ATP8B3: variants seen among roughly 807,000 people sequenced by gnomAD.
The protein encoded by ATP8B3 is phospholipid-transporting ATPase IK.
ATP8B3 carries 141 observed loss-of-function variants against 140.9 expected under a neutral mutation model. That is an observed-to-expected ratio of 1.00 (90% CI 0.87 to 1.15). The LOEUF (loss-of-function observed/expected upper bound fraction) is 1.15. ATP8B3 is among the 50% of genes most tolerant of loss of function. The pLI is 0.00. For synonymous variants in ATP8B3, 765 were observed against 714.6 expected, an observed-to-expected ratio of 1.07 and a Z score of -1.13; for missense variants, 1,874 against 1,740.6, an observed-to-expected ratio of 1.08 and a Z score of -1.36.
Position 1,783,330 on chromosome 19 carries a change from G to T in ATP8B3, c.3661-60C>A, listed in dbSNP as rs548291339. Reference sequence around the variant, plus strand: ...TCCTATGCTTGGCTGATGGCTCTCAGGTCCCCCAAGTAGGAGAGGCAGGAT... The same window carrying T: ...TCCTATGCTTGGCTGATGGCTCTCATGTCCCCCAAGTAGGAGAGGCAGGAT... On this transcript the variant is annotated intron_variant, in intron 28 of 28. Coordinates refer to ENST00000310127, the MANE Select transcript of ATP8B3 (RefSeq NM_138813.4). 404 of 1,551,152 alleles carry T rather than the reference G, an allele frequency of 2.6e-4. 1 individual carries two copies. The highest frequency in any genetic ancestry group is 3.3e-4 in the Non-Finnish European group (378 of 1,145,220).
At chr19:1,795,424 G>T (rs1600429222) in intron 18 of ATP8B3, among the ~76,000 whole-genome samples, 1 of 152,202 alleles carries the variant, frequency 6.6e-6, no homozygotes, top group East Asian at 1.9e-4. Context: ...ACTGGCGTGT[G>T]CCTGTAATTC....
rs376028226 is a variant in ATP8B3, at chr19:1,785,176, G to A, written c.3515C>T (p.Thr1172Met). The A allele has an allele frequency of 1.1e-5, 18 of 1,589,638 alleles. No individual in the cohort carries two copies. The highest frequency in any genetic ancestry group is 1.7e-4 in the Middle Eastern group (1 of 6,026). The change falls in exon 27 of 29, where the codon ACG becomes ATG. Residue 1172 changes from threonine to methionine, a missense_variant. Thr to Met is a moderately conservative substitution (Grantham distance 81). Transcript: ENST00000310127. ...QSFWLFRVSP[T>M]TFPFLYADLS... ...GGGCTCACACAGAAACGGGAAGGTCGTGGGGGATACTCTGAAGAGCCAGAA... is the reference window on the plus strand; with the variant it reads ...GGGCTCACACAGAAACGGGAAGGTCATGGGGGATACTCTGAAGAGCCAGAA...
At position 1,805,661 on chromosome 19, in the gene ATP8B3, G is replaced by A. The variant is rs2068988362; in HGVS notation, c.822-205C>T. 1.3e-5 allele frequency among the ~76,000 whole-genome samples: 2 copies of A among 150,118 alleles called. No homozygotes were observed. Among genetic ancestry groups the A allele is most frequent in the Non-Finnish European group, 3.0e-5 (2 of 66,824 alleles). ...TGCAAAGTGCTGAGGCCAGGGCCTA[G>A]GGCCTAGGGCCTCCTGCCCGTATGC... On this transcript the variant is annotated intron_variant, in intron 9 of 28. Coordinates refer to ENST00000310127, the MANE Select transcript of ATP8B3 (RefSeq NM_138813.4). The surrounding 1 kb of genome is among the most constrained non-coding windows in gnomAD (Gnocchi z 5.2).
intron 25 of ATP8B3, among the ~76,000 whole-genome samples, chr19:1,786,181 G>A (rs1464098154): frequency 2.0e-5 from 3 of 152,100 alleles, no homozygotes; most frequent in Non-Finnish European, 4.4e-5. Flanking sequence ...TGGTCACTTG[G>A]CCACACGAAC....
chr19:1,811,538 G>A lies in ATP8B3; in HGVS notation c.199C>T (p.His67Tyr). 1.2e-6 allele frequency: 2 copies of A among 1,612,302 alleles called. No individual in the cohort carries two copies. The highest frequency in any genetic ancestry group is 1.3e-5 in the African/African-American group (1 of 75,038). Reference sequence around the variant, plus strand: ...CTAGCCCGGCCAGGCTGGGCCTTGTGCCTCCTCTCAGGTGCCCCTCTGCCT... The same window carrying A: ...CTAGCCCGGCCAGGCTGGGCCTTGTACCTCCTCTCAGGTGCCCCTCTGCCT... ...SPGRGAPERRHKAQPGRARKY... is the reference protein window; with the variant it reads ...SPGRGAPERRYKAQPGRARKY... The change falls in exon 2 of 29, where the codon CAC becomes TAC. Residue 67 changes from histidine to tyrosine, a missense_variant. By Grantham distance (83) the His-to-Tyr change is moderately conservative. This residue lies in a region of ATP8B3 where 1,032 missense variants were observed against 963.6 expected (regional missense o/e 1.07). Coordinates refer to ENST00000310127, the MANE Select transcript of ATP8B3 (RefSeq NM_138813.4).
intron 12 of ATP8B3, among the ~76,000 whole-genome samples, chr19:1,801,324 G>A (rs909922332): frequency 2.0e-5 from 3 of 151,602 alleles, no homozygotes; most frequent in East Asian, 3.9e-4. Context: ...GCTAATTTTC[G>A]ATTTTCTGTA....
chr19:1,792,203 C>A, intron 18 of ATP8B3, 68 bp from the exon 19 acceptor site: 1 of 1,463,374 alleles, frequency 6.8e-7, no homozygotes, highest in Non-Finnish European at 9.0e-7. Flanking sequence ...CCCTCCCCAA[C>A]CCCCTGCCGG....
rs372841402 is a variant in ATP8B3, at chr19:1,785,262, G to A, written c.3429C>T (p.Cys1143=). 153 of 1,609,404 alleles carry A rather than the reference G, an allele frequency of 9.5e-5. 2 individuals are homozygous for A. The highest frequency in any genetic ancestry group is 4.7e-4 in the East Asian group (21 of 44,792). The change falls in exon 27 of 29, where the codon TGC becomes TGT. Residue 1143 remains cysteine, a synonymous_variant. Transcript: ENST00000310127. ...CAAGGCTGAGGAGGATGGTCGCCAC[G>A]CACAGGGCGGTCCAGTACTTGATGA... ...ILIIKYWTAL[C]VATILLSLGF...
At chr19:1,801,894 T>G in intron 12 of ATP8B3, 62 bp downstream of exon 12, 12 of 1,292,942 alleles carry the variant, frequency 9.3e-6, no homozygotes, top group Non-Finnish European at 1.2e-5. Context: ...GCCTGGAAGA[T>G]GACATCCCTG....
chr19:1,789,177 C>A, intron 23 of ATP8B3, 57 bp from the exon 24 acceptor site: 5 of 1,107,258 alleles, frequency 4.5e-6, no homozygotes, highest in Non-Finnish European at 6.2e-6. Flanking sequence ...CGCCCGCCCC[C>A]CCAGACCCCC....
At position 1,805,479 on chromosome 19, in the gene ATP8B3, G is replaced by A. The variant is rs1293519934; in HGVS notation, c.822-23C>T. ...TCCCTGGTGACGAGGAGAGGAGGGA[G>A]GTGAAAGTGGAGTTGATGGATGCTT... On this transcript the variant is annotated intron_variant, in intron 9 of 28. Transcript: ENST00000310127. The surrounding 1 kb of genome is among the most constrained non-coding windows in gnomAD (Gnocchi z 5.2). 1.3e-6 allele frequency: 2 copies of A among 1,539,578 alleles called. No homozygotes were observed. Among genetic ancestry groups the A allele is most frequent in the Non-Finnish European group, 1.8e-6 (2 of 1,134,610 alleles).
In ATP8B3 at chr19:1,784,734, C is replaced by T. The variant is rs560834664; in HGVS notation, c.3660+85G>A. ...GGAGGGCCGAGAGGGGCCGGGACACCTTGCAGTCCCTACGCCCTGCACGGC... is the reference window on the plus strand; with the variant it reads ...GGAGGGCCGAGAGGGGCCGGGACACTTTGCAGTCCCTACGCCCTGCACGGC... On this transcript the variant is annotated intron_variant, in intron 28 of 28. Coordinates refer to ENST00000310127, the MANE Select transcript of ATP8B3 (RefSeq NM_138813.4). 470 of 1,455,502 alleles carry T rather than the reference C, an allele frequency of 3.2e-4. 10 individuals carry two copies. The South Asian group carries it at 6.3e-3, about 19-fold the overall frequency. 90.2% of individuals were successfully genotyped at this position (1,455,502 alleles called of 1,614,324 possible).
chr19:1,801,022 G>T, intron 12 of ATP8B3, among the ~76,000 whole-genome samples: 1 of 151,228 alleles, frequency 6.6e-6, no homozygotes, highest in Non-Finnish European at 1.5e-5. Context: ...TAGAGACGGG[G>T]TTTCACTGTG....
intron 18 of ATP8B3, among the ~76,000 whole-genome samples, chr19:1,795,112 G>A (rs966235481): frequency 2.0e-5 from 3 of 151,864 alleles, no homozygotes; most frequent in Non-Finnish European, 2.9e-5. Flanking sequence ...AAAATTGGCC[G>A]GGCGTGGTGG....
At position 1,805,571 on chromosome 19, in the gene ATP8B3, G is replaced by T; in HGVS notation, c.822-115C>A. 6.3e-6 allele frequency: 6 copies of T among 949,254 alleles called. No individual in the cohort carries two copies. Among genetic ancestry groups the T allele is most frequent in the Non-Finnish European group, 9.9e-6 (6 of 607,676 alleles). 58.8% of individuals were successfully genotyped at this position (949,254 alleles called of 1,614,324 possible). On this transcript the variant is annotated intron_variant, in intron 9 of 28. Coordinates refer to ENST00000310127, the MANE Select transcript of ATP8B3 (RefSeq NM_138813.4). This position sits in a 1 kb window ranked among gnomAD's most constrained non-coding sequence, Gnocchi z 5.2. ...TCACTGAGCACCTACTAGTTCGCCAGCTGCCAGTCAGATGGCTGAGGCCCA... is the reference window on the plus strand; with the variant it reads ...TCACTGAGCACCTACTAGTTCGCCATCTGCCAGTCAGATGGCTGAGGCCCA...
chr19:1,806,255 G>T lies in ATP8B3; in HGVS notation c.678-86C>A. The T allele has an allele frequency of 6.5e-7, 1 of 1,530,494 alleles. No individual in the cohort carries two copies. Among genetic ancestry groups the T allele is most frequent in the Non-Finnish European group, 8.8e-7 (1 of 1,141,806 alleles). The allele number at this position is 1,530,494 out of a possible 1,614,324, so 94.8% of individuals were successfully genotyped here. ...AGACCAGAGGCACGGGATGACGGGG[G>T]GCCCGCAGCTGCAGTCCCCACCTCC... is the stretch of plus-strand genomic sequence containing the variant. On this transcript the variant is annotated intron_variant, in intron 7 of 28. Coordinates refer to ENST00000310127, the MANE Select transcript of ATP8B3 (RefSeq NM_138813.4). This position sits in a 1 kb window ranked among gnomAD's most constrained non-coding sequence, Gnocchi z 5.6.
Position 1,811,513 on chromosome 19 carries a change from C to G in ATP8B3, c.224G>C (p.Arg75Thr). The G allele has an allele frequency of 6.2e-7, 1 of 1,612,116 alleles. No individual in the cohort carries two copies. The highest frequency in any genetic ancestry group is 2.2e-5 in the East Asian group (1 of 44,860). ...RRHKAQPGRA[R>T]KYEWRPEGPT... ...CCCTTCTGGTCTCCATTCATACTTC[C>G]TAGCCCGGCCAGGCTGGGCCTTGTG... The change falls in exon 2 of 29, where the codon AGG becomes ACG. Residue 75 changes from arginine to threonine, a missense_variant. Around this residue, in one of 3 missense-constraint regions of ATP8B3, gnomAD observed 1,032 missense variants for 963.6 expected, o/e 1.07. Transcript: ENST00000310127.
At position 1,782,906 on chromosome 19, in the gene ATP8B3, G is replaced by C; in HGVS notation, c.*122C>G. 7.6e-7 allele frequency: 1 copy of C among 1,320,534 alleles called. No individual in the cohort carries two copies. The highest frequency in any genetic ancestry group is 1.5e-5 in the South Asian group (1 of 67,990). The allele number at this position is 1,320,534 out of a possible 1,614,324, so 81.8% of individuals were successfully genotyped here. A position where few individuals can be genotyped will look rare whatever the true frequency, so the allele number is the denominator to read the frequency against. Reference sequence around the variant, plus strand: ...GGCAGGTTGGTTTTCTGGATGAAGAGCGGATTGTCTATCCATAGAAAATGA... The same window carrying C: ...GGCAGGTTGGTTTTCTGGATGAAGACCGGATTGTCTATCCATAGAAAATGA... On this transcript the variant is annotated 3_prime_UTR_variant, in exon 29 of 29. Coordinates refer to ENST00000310127, the MANE Select transcript of ATP8B3 (RefSeq NM_138813.4).
At position 1,807,050 on chromosome 19, in the gene ATP8B3, C is replaced by A; in HGVS notation, c.615+118G>T. The stretch of plus-strand genomic sequence containing the variant: ...CCCCAGCAGCTGAGGCTCCCAGGCC[C>A]ACGTTCCCCTAATGCTCCAGGAAGC... On this transcript the variant is annotated intron_variant, in intron 6 of 28. Coordinates refer to ENST00000310127, the MANE Select transcript of ATP8B3 (RefSeq NM_138813.4). The surrounding 1 kb of genome is among the most constrained non-coding windows in gnomAD (Gnocchi z 5.9). 3 of 915,876 alleles carry A rather than the reference C, an allele frequency of 3.3e-6. No individual in the cohort carries two copies. Among genetic ancestry groups the A allele is most frequent in the South Asian group, 2.9e-5 (2 of 68,912 alleles). 56.7% of individuals were successfully genotyped at this position (915,876 alleles called of 1,614,324 possible).
Sources: gnomAD v4.1 joint callset for allele counts (sites outside exome capture counted in the v4.1 genomes callset) on GRCh38, gnomAD v4.1.1 for gene constraint, gnomAD v4.1.1 regional missense constraint, Gnocchi (gnomAD v3.1) non-coding constraint, MANE v1.5 for transcripts, NCBI Gene and HGNC (gene_info 2026-07-23, HGNC 2026-07-21) for gene names.